The following GRM8 variants were observed in gnomAD, a reference collection of about 807,000 sequenced individuals.
GRM8 encodes metabotropic glutamate receptor 8.
GRM8 carries 47 observed loss-of-function variants against 87.2 expected under a neutral mutation model. The observed-to-expected ratio is 0.54, with a 90% CI of 0.43 to 0.69. The LOEUF (loss-of-function observed/expected upper bound fraction) is 0.69, where lower values mean the gene tolerates loss of function less well. Ranked by LOEUF, GRM8 falls within the 30% of genes least tolerant of loss-of-function variation. GRM8 has a pLI of 0.00. For missense variants in GRM8, 1,019 were observed against 1,139.2 expected (o/e 0.89, Z 1.52); for synonymous variants, 396 against 404.5 (o/e 0.98, Z 0.25).
At chr7:126,767,117 A>G (rs1471201503) in intron 7 of GRM8, among the ~76,000 whole-genome samples, 9 of 152,248 alleles carry the variant, frequency 5.9e-5, no homozygotes, top group African/African-American at 2.2e-4. Flanking sequence ...GAAATGTTAG[A>G]TTTCTGAGTA....
intron 2 of GRM8, among the ~76,000 whole-genome samples, chr7:127,123,659 C>G (rs1214751783): frequency 3.3e-5 from 5 of 152,118 alleles, no homozygotes; most frequent in Non-Finnish European, 7.4e-5. Context: ...TATAGCCATA[C>G]AAAATGAACT....
intron 3 of GRM8, among the ~76,000 whole-genome samples, chr7:127,042,990 G>T (rs1818575135): frequency 1.3e-5 from 2 of 152,220 alleles, no homozygotes; most frequent in African/African-American, 4.8e-5. Context: ...AGACATTTAT[G>T]TAGCCAAAAG....
chr7:127,084,690 C>T (rs535620487), intron 3 of GRM8: 1 of 152,320 alleles, frequency 6.6e-6, no homozygotes, highest in African/African-American at 2.4e-5. Flanking sequence ...GCCTCACTCA[C>T]CTTGGCCAAG....
chr7:126,839,260 C>A (rs1796061967), intron 6 of GRM8, among the ~76,000 whole-genome samples: 1 of 152,246 alleles, frequency 6.6e-6, no homozygotes, highest in African/African-American at 2.4e-5. Context: ...AAACATGGTC[C>A]ATGGAATAGC....
intron 3 of GRM8, among the ~76,000 whole-genome samples, chr7:126,977,537 C>G (rs1486548990): frequency 6.6e-6 from 1 of 152,130 alleles, no homozygotes; most frequent in Non-Finnish European, 1.5e-5. Flanking sequence ...CCTAAGATTA[C>G]AGAAATTGAA....
intron 9 of GRM8, among the ~76,000 whole-genome samples, chr7:126,524,866 T>C (rs1421254757): frequency 2.0e-5 from 3 of 152,190 alleles, no homozygotes; most frequent in Admixed American, 1.3e-4. Flanking sequence ...CTTGCATGTG[T>C]GTGTATGGGT....
At chr7:126,555,424 A>C (rs1221960658) in intron 8 of GRM8, among the ~76,000 whole-genome samples, 1 of 152,244 alleles carries the variant, frequency 6.6e-6, no homozygotes, top group Non-Finnish European at 1.5e-5. Context: ...AGACAATGCT[A>C]AGAACAGCTA....
At chr7:126,494,659 C>A (rs1318487050) in intron 9 of GRM8, among the ~76,000 whole-genome samples, 2 of 151,740 alleles carry the variant, frequency 1.3e-5, no homozygotes, top group African/African-American at 4.8e-5. Context: ...GCATACATTA[C>A]ACACACACAC....
chr7:126,578,875 T>C (rs1795347864), intron 8 of GRM8, among the ~76,000 whole-genome samples: 1 of 152,150 alleles, frequency 6.6e-6, no homozygotes, highest in African/African-American at 2.4e-5. Context: ...GACCTATTTT[T>C]CTCTTCCCAT....
At chr7:126,983,022 G>A (rs146684370) in intron 3 of GRM8, among the ~76,000 whole-genome samples, 84 of 152,178 alleles carry the variant, frequency 5.5e-4, no homozygotes, top group African/African-American at 1.8e-3. Context: ...GACTGATTTC[G>A]TCTTGATAGT....
chr7:126,900,469 G>A (rs1026186506), intron 6 of GRM8, among the ~76,000 whole-genome samples: 3 of 148,364 alleles, frequency 2.0e-5, no homozygotes, highest in African/African-American at 7.6e-5. Context: ...CGTCTGTCCT[G>A]TGTGTTACAT....
At chr7:126,766,594 G>T (rs1327001873) in intron 7 of GRM8, among the ~76,000 whole-genome samples, 1 of 152,030 alleles carries the variant, frequency 6.6e-6, no homozygotes, top group Non-Finnish European at 1.5e-5. Context: ...CTTGGCAGTT[G>T]CCTTATAAAG....
At chr7:127,208,531 G>A (rs1246811331) in intron 2 of GRM8, among the ~76,000 whole-genome samples, 1 of 152,160 alleles carries the variant, frequency 6.6e-6, no homozygotes, top group African/African-American at 2.4e-5. Flanking sequence ...ACATAGCAAC[G>A]TGTTGAGTAA....
intron 2 of GRM8, among the ~76,000 whole-genome samples, chr7:127,199,143 TTTTTTTC>T (rs1255237251): frequency 1.3e-5 from 2 of 151,698 alleles, no homozygotes; most frequent in Admixed American, 1.3e-4. Context: ...ACCCGGCTTT[TTTTTTTC>T]TTTAAGAGAG....
chr7:127,190,608 T>C (rs1587237663), intron 2 of GRM8, among the ~76,000 whole-genome samples: 1 of 151,038 alleles, frequency 6.6e-6, no homozygotes, highest in Admixed American at 6.6e-5. Flanking sequence ...GCAAAGGAAG[T>C]GGTACAGGGA....
At chr7:126,706,284 A>T (rs1353319837) in intron 7 of GRM8, among the ~76,000 whole-genome samples, 3 of 152,158 alleles carry the variant, frequency 2.0e-5, no homozygotes, top group Admixed American at 1.3e-4. Context: ...GGCTCACATT[A>T]TTATGGTGAC....
chr7:126,693,322 C>A (rs748833050), intron 7 of GRM8, among the ~76,000 whole-genome samples: 1 of 151,998 alleles, frequency 6.6e-6, no homozygotes, highest in African/African-American at 2.4e-5. Flanking sequence ...ATAAATGCTC[C>A]TTATGAAAAA....
chr7:126,806,897 C>G (rs11981611), intron 6 of GRM8, among the ~76,000 whole-genome samples: 1 of 152,196 alleles, frequency 6.6e-6, no homozygotes, highest in African/African-American at 2.4e-5. Context: ...CACCTCCCCG[C>G]GAGCAGAGGG....
chr7:126,481,180 T>G (rs1485124355), intron 9 of GRM8, among the ~76,000 whole-genome samples: 1 of 152,018 alleles, frequency 6.6e-6, no homozygotes, highest in Admixed American at 6.6e-5. Context: ...AGCTTTTCCC[T>G]TAAAGGATAA....
Sources: allele counts gnomAD v4.1 joint callset (sites outside exome capture counted in the v4.1 genomes callset), GRCh38; gene constraint gnomAD v4.1.1; transcripts MANE v1.5; gene names NCBI Gene and HGNC (gene_info 2026-07-23, HGNC 2026-07-21).